DSCAM: variants seen among roughly 807,000 people sequenced by gnomAD.
DSCAM encodes the protein DS cell adhesion molecule, also known as cell adhesion molecule DSCAM.
A neutral mutation model predicts 217.7 loss-of-function variants in DSCAM; 47 were observed. That is an observed-to-expected ratio of 0.22 (90% CI 0.17 to 0.28). DSCAM has a LOEUF of 0.28. Ranked by LOEUF, DSCAM falls within the 10% of genes least tolerant of loss-of-function variation. The probability of loss-of-function intolerance (pLI) is 1.00; values close to 1 mark genes in which losing one functional copy is unlikely to be tolerated. For missense variants in DSCAM, 2,080 were observed against 2,618.3 expected (o/e 0.79, Z 4.49); for synonymous variants, 1,056 against 1,015.3 (o/e 1.04, Z -0.76).
chr21:40,470,543 C>T (rs991673319), intron 3 of DSCAM, among the ~76,000 whole-genome samples: 1 of 152,134 alleles, frequency 6.6e-6, no homozygotes, highest in Non-Finnish European at 1.5e-5. Flanking sequence ...AGTCATGCAC[C>T]TGAAGTGTTT....
At chr21:40,176,029 A>G (rs1262460064) in intron 15 of DSCAM, among the ~76,000 whole-genome samples, 1 of 151,894 alleles carries the variant, frequency 6.6e-6, no homozygotes, top group Non-Finnish European at 1.5e-5. Context: ...AGCAGGGTCC[A>G]TGAAGACATG....
chr21:40,698,364 G>A (rs1205318539), intron 2 of DSCAM, among the ~76,000 whole-genome samples: 1 of 152,156 alleles, frequency 6.6e-6, no homozygotes, highest in Non-Finnish European at 1.5e-5. Flanking sequence ...AGAAAGTTTT[G>A]TTACTGGGAA....
At chr21:40,183,522 T>C (rs1187104911) in intron 14 of DSCAM, among the ~76,000 whole-genome samples, 1 of 152,178 alleles carries the variant, frequency 6.6e-6, no homozygotes, top group Non-Finnish European at 1.5e-5. Context: ...ACTTGGGGTG[T>C]TCAGTGTTTC....
intron 11 of DSCAM, among the ~76,000 whole-genome samples, chr21:40,259,258 TCTC>T (rs1484237594): frequency 7.0e-6 from 1 of 143,112 alleles, no homozygotes; most frequent in Non-Finnish European, 1.5e-5. Context: ...AAGGATCTGA[TCTC>T]CTCTTTAATG....
chr21:40,051,694 G>A (rs961017061), intron 30 of DSCAM, among the ~76,000 whole-genome samples: 17 of 151,866 alleles, frequency 1.1e-4, no homozygotes, highest in African/African-American at 4.1e-4. Flanking sequence ...TTTCTGTGTT[G>A]CTTAAATTAA....
At chr21:40,166,278 A>T (rs1601402079) in intron 16 of DSCAM, among the ~76,000 whole-genome samples, 1 of 152,230 alleles carries the variant, frequency 6.6e-6, no homozygotes, top group East Asian at 1.9e-4. Context: ...CCACAGAAAA[A>T]AAACGGTGAG....
chr21:40,245,320 AG>A (rs2073209146), intron 11 of DSCAM, among the ~76,000 whole-genome samples: 1 of 152,140 alleles, frequency 6.6e-6, no homozygotes, highest in Non-Finnish European at 1.5e-5. Flanking sequence ...TAGGACAAAA[AG>A]GGGCCTGTTA....
chr21:40,754,650 G>A (rs1468271487), intron 1 of DSCAM, among the ~76,000 whole-genome samples: 2 of 152,170 alleles, frequency 1.3e-5, no homozygotes, highest in Non-Finnish European at 2.9e-5. Context: ...ACTTTCACCT[G>A]CCAAAGAGAG....
chr21:40,616,059 G>C (rs878931813), intron 3 of DSCAM, among the ~76,000 whole-genome samples: 8 of 151,634 alleles, frequency 5.3e-5, no homozygotes, highest in African/African-American at 1.9e-4. Context: ...TATTATTTTT[G>C]AATTACCTTG....
intron 3 of DSCAM, among the ~76,000 whole-genome samples, chr21:40,569,073 G>A (rs1434542948): frequency 1.3e-5 from 2 of 152,202 alleles, no homozygotes; most frequent in East Asian, 1.9e-4. Context: ...GTCACTGGGT[G>A]CAGGAGGGTC....
chr21:40,766,036 G>A lies in DSCAM; in HGVS notation c.44-57265C>T, dbSNP rs527264516. Among the ~76,000 whole-genome samples the A allele has an allele frequency of 2.0e-4, 30 of 152,314 alleles. No homozygotes were observed. In the South Asian group the frequency reaches 6.0e-3, roughly 31 times the overall value. On this transcript the variant is annotated intron_variant, in intron 1 of 32. Coordinates refer to ENST00000400454, the MANE Select transcript of DSCAM (RefSeq NM_001389.5). ...GGCAGGCAGGGAGCTCGTGACAGCT[G>A]GCAAGCCAGCCTCTGGGAATAAAAC...
intron 3 of DSCAM, among the ~76,000 whole-genome samples, chr21:40,485,044 T>C (rs992159155): frequency 6.6e-6 from 1 of 152,118 alleles, no homozygotes; most frequent in African/African-American, 2.4e-5. Context: ...AGTCTCATTA[T>C]GTTATTATAC....
chr21:40,308,353 T>C (rs1439772814), intron 9 of DSCAM, among the ~76,000 whole-genome samples: 1 of 152,172 alleles, frequency 6.6e-6, no homozygotes, highest in Non-Finnish European at 1.5e-5. Context: ...TTAGTCCTAC[T>C]CCTAGGGTGT....
At chr21:40,247,679 A>G (rs1292252183) in intron 11 of DSCAM, among the ~76,000 whole-genome samples, 1 of 152,172 alleles carries the variant, frequency 6.6e-6, no homozygotes, top group Non-Finnish European at 1.5e-5. Flanking sequence ...GCTGGTGTTG[A>G]ATGTCTGTGA....
At chr21:40,341,789 G>T (rs1033085543) in intron 6 of DSCAM, among the ~76,000 whole-genome samples, 10 of 152,172 alleles carry the variant, frequency 6.6e-5, no homozygotes, top group African/African-American at 2.4e-4. Context: ...CTAACTCACT[G>T]TCCACAGCAA....
At chr21:40,104,251 A>C (rs1413364979) in intron 20 of DSCAM, among the ~76,000 whole-genome samples, 1 of 152,220 alleles carries the variant, frequency 6.6e-6, no homozygotes, top group Non-Finnish European at 1.5e-5. Context: ...CAAAAAAACT[A>C]ATTTGTTATC....
intron 3 of DSCAM, among the ~76,000 whole-genome samples, chr21:40,548,509 A>AT (rs557090214): frequency 4.3e-4 from 25 of 58,072 alleles, no homozygotes; most frequent in Non-Finnish European, 4.8e-4. Context: ...CCAGTAAAAA[A>AT]AAAAATATAT....
Position 40,846,744 on chromosome 21 carries a change from T to G in DSCAM, c.-83A>C. ...CGCCCGGCCCGGCTCCGCTCGCCGC[T>G]CGGCACCTGCCCGGGGGCCGCCGCC... On this transcript the variant is annotated 5_prime_UTR_variant, in exon 1 of 33. Transcript: ENST00000400454. The G allele has an allele frequency of 1.8e-6, 1 of 569,438 alleles. No homozygotes were observed. Among genetic ancestry groups the G allele is most frequent in the Non-Finnish European group, 2.2e-6 (1 of 445,082 alleles). 35.3% of individuals were successfully genotyped at this position (569,438 alleles called of 1,614,324 possible). A position where few individuals can be genotyped will look rare whatever the true frequency, so the allele number is the denominator to read the frequency against.
Position 40,368,011 on chromosome 21 carries a change from T to TCC in DSCAM, c.655+1087_655+1088insGG, listed in dbSNP as rs1179116316. Among the ~76,000 whole-genome samples the TCC allele has an allele frequency of 2.6e-5, 4 of 152,222 alleles. No homozygotes were observed. The East Asian group carries it at 7.7e-4, about 29-fold the overall frequency. ...CAACCCTGAGAGATACATTTAAAAA[T>TCC]CAACACTTGATGATTCAGCATGAAG... is the stretch of plus-strand genomic sequence containing the variant. On this transcript the variant is annotated intron_variant, in intron 4 of 32. Coordinates refer to ENST00000400454, the MANE Select transcript of DSCAM (RefSeq NM_001389.5).
Sources: allele counts gnomAD v4.1 joint callset (sites outside exome capture counted in the v4.1 genomes callset), GRCh38; gene constraint gnomAD v4.1.1; transcripts MANE v1.5; gene names NCBI Gene and HGNC (gene_info 2026-07-23, HGNC 2026-07-21).